Variants in SPTLC3 observed in about 807,000 individuals in gnomAD.
The protein encoded by SPTLC3 is serine palmitoyltransferase long chain base subunit 3.
Under a neutral mutation model 59.3 loss-of-function variants are expected in SPTLC3, and 36 were observed. The observed-to-expected ratio is 0.61, with a 90% CI of 0.47 to 0.80. SPTLC3 has a LOEUF of 0.80. SPTLC3 is among the 30% of genes least tolerant of loss of function. SPTLC3 has a pLI of 0.00. For synonymous variants in SPTLC3, 257 were observed against 240.8 expected, an observed-to-expected ratio of 1.07 and a Z score of -0.62; for missense variants, 625 against 685.1, an observed-to-expected ratio of 0.91 and a Z score of 0.98.
intron 3 of SPTLC3, 135 bp from the exon 4 acceptor site, chr20:13,074,214 G>T: frequency 8.7e-7 from 1 of 1,147,918 alleles, no homozygotes; most frequent in South Asian, 1.3e-5. Context: ...CCACCTCACA[G>T]ATCTGAGCTG....
chr20:13,086,786 T>G (rs1989019426), intron 4 of SPTLC3, among the ~76,000 whole-genome samples: 1 of 152,062 alleles, frequency 6.6e-6, no homozygotes, highest in Admixed American at 6.6e-5. Flanking sequence ...TTCCTTTTCC[T>G]TCTTTTCTTT....
intron 2 of SPTLC3, among the ~76,000 whole-genome samples, chr20:13,052,084 G>T (rs1387165669): frequency 6.6e-6 from 1 of 152,084 alleles, no homozygotes; most frequent in East Asian, 1.9e-4. Flanking sequence ...TGGCTGGCAA[G>T]ATGGCCGAAC....
chr20:13,039,360 A>G (rs1986875249), intron 1 of SPTLC3, among the ~76,000 whole-genome samples: 1 of 152,090 alleles, frequency 6.6e-6, no homozygotes, highest in African/African-American at 2.4e-5. Context: ...TTTTATTATT[A>G]TAAAGTATCC....
At chr20:13,153,785 G>T (rs545223218) in intron 9 of SPTLC3, among the ~76,000 whole-genome samples, 1 of 152,226 alleles carries the variant, frequency 6.6e-6, no homozygotes, top group South Asian at 2.1e-4. Flanking sequence ...GCACCTCGTA[G>T]AACCCTCCAC....
At chr20:13,148,482 G>A (rs887211284) in intron 9 of SPTLC3, among the ~76,000 whole-genome samples, 10 of 152,126 alleles carry the variant, frequency 6.6e-5, no homozygotes, top group African/African-American at 1.9e-4. Context: ...TGTAGCTGTC[G>A]GGAGAGCAGG....
chr20:13,012,328 TTGTAA>T (rs1985297150), intron 1 of SPTLC3, among the ~76,000 whole-genome samples: 1 of 152,230 alleles, frequency 6.6e-6, no homozygotes, highest in African/African-American at 2.4e-5. Flanking sequence ...GACCTGAATG[TTGTAA>T]TATTACCAGG....
At chr20:13,163,612 A>G (rs1024344428) in intron 11 of SPTLC3, among the ~76,000 whole-genome samples, 4 of 152,150 alleles carry the variant, frequency 2.6e-5, no homozygotes, top group African/African-American at 4.8e-5. Flanking sequence ...ACAGGGAAGA[A>G]CATTTTAAAT....
chr20:13,159,005 T>G (rs1372679094), intron 10 of SPTLC3, among the ~76,000 whole-genome samples: 2 of 152,224 alleles, frequency 1.3e-5, no homozygotes, highest in African/African-American at 2.4e-5. Context: ...ATGGGTAAAG[T>G]CACTCAGTAG....
At chr20:13,160,580 T>C (rs975593575) in intron 11 of SPTLC3, among the ~76,000 whole-genome samples, 9 of 152,116 alleles carry the variant, frequency 5.9e-5, no homozygotes, top group Admixed American at 2.0e-4. Context: ...CTAAGTGAGG[T>C]GGAAATGATT....
chr20:13,052,513 A>G (rs1029743954), intron 2 of SPTLC3, among the ~76,000 whole-genome samples: 2 of 152,070 alleles, frequency 1.3e-5, no homozygotes, highest in Non-Finnish European at 2.9e-5. Flanking sequence ...TTCACACCCC[A>G]GTGGCACCTG....
intron 9 of SPTLC3, among the ~76,000 whole-genome samples, chr20:13,142,958 T>C (rs983867552): frequency 6.6e-6 from 1 of 152,226 alleles, no homozygotes; most frequent in Admixed American, 6.5e-5. Flanking sequence ...TGTTCACCTG[T>C]AGCTAAGACC....
chr20:13,067,044 C>CATAT (rs143918659), intron 2 of SPTLC3, among the ~76,000 whole-genome samples: 10 of 71,108 alleles, frequency 1.4e-4, no homozygotes, highest in South Asian at 6.2e-4. Flanking sequence ...GTCACTTCTA[C>CATAT]ATATATATAT....
At chr20:13,156,929 G>T (rs575518620) in intron 10 of SPTLC3, among the ~76,000 whole-genome samples, 7 of 152,280 alleles carry the variant, frequency 4.6e-5, no homozygotes, top group African/African-American at 1.7e-4. Context: ...TAAAGATCCT[G>T]CTACACTCTG....
intron 10 of SPTLC3, among the ~76,000 whole-genome samples, chr20:13,159,098 C>T (rs1022943601): frequency 6.6e-6 from 1 of 152,206 alleles, no homozygotes; most frequent in African/African-American, 2.4e-5. Flanking sequence ...CTGACCTTGG[C>T]TCTCAGCACA....
At chr20:13,100,076 A>G (rs932680439) in intron 6 of SPTLC3, among the ~76,000 whole-genome samples, 1 of 152,168 alleles carries the variant, frequency 6.6e-6, no homozygotes, top group African/African-American at 2.4e-5. Context: ...AGGAGGTTCT[A>G]TTTTTTAGCA....
chr20:13,029,894 T>C (rs536997565), intron 1 of SPTLC3, among the ~76,000 whole-genome samples: 2 of 152,276 alleles, frequency 1.3e-5, no homozygotes, highest in Non-Finnish European at 2.9e-5. Flanking sequence ...TTGGCAAGTT[T>C]CTCTCTTTCT....
intron 9 of SPTLC3, among the ~76,000 whole-genome samples, chr20:13,127,019 CAT>C (rs1331451913): frequency 3.3e-5 from 5 of 152,230 alleles, no homozygotes; most frequent in Non-Finnish European, 7.3e-5. Flanking sequence ...TGAGCGTGCA[CAT>C]GTTTGCCTGT....
At chr20:13,163,367 C>CAAAA (rs56217510) in intron 11 of SPTLC3, among the ~76,000 whole-genome samples, 9 of 90,064 alleles carry the variant, frequency 1.0e-4, no homozygotes, top group African/African-American at 1.3e-4. Flanking sequence ...GACGCTGTCT[C>CAAAA]AAAAAAAAAA....
intron 4 of SPTLC3, among the ~76,000 whole-genome samples, chr20:13,085,919 C>T (rs1988991031): frequency 6.6e-6 from 1 of 152,048 alleles, no homozygotes; most frequent in Non-Finnish European, 1.5e-5. Flanking sequence ...TTGAGCATAA[C>T]ACTGAATAAA....
Sources: allele counts gnomAD v4.1 joint callset (sites outside exome capture counted in the v4.1 genomes callset), GRCh38; gene constraint gnomAD v4.1.1; transcripts MANE v1.5; gene names NCBI Gene and HGNC (gene_info 2026-07-23, HGNC 2026-07-21).